Variants in TOP3A observed in about 807,000 individuals in gnomAD.
The protein encoded by TOP3A is DNA topoisomerase III alpha.
Under a neutral mutation model 111.3 loss-of-function variants are expected in TOP3A, and 64 were observed. The ratio of observed to expected loss-of-function variants is 0.57; its 90% CI spans 0.47 to 0.71. The LOEUF (loss-of-function observed/expected upper bound fraction) is 0.71, where lower values mean the gene tolerates loss of function less well. Ranked by LOEUF, TOP3A falls within the 30% of genes least tolerant of loss-of-function variation. The probability of loss-of-function intolerance (pLI) is 0.00; values close to 1 mark genes in which losing one functional copy is unlikely to be tolerated. For synonymous variants in TOP3A, 484 were observed against 485.1 expected, an observed-to-expected ratio of 1.00 and a Z score of 0.03; for missense variants, 1,104 against 1,285.0, an observed-to-expected ratio of 0.86 and a Z score of 2.15.
rs34001746 is a variant in TOP3A, at chr17:18,285,268, A to C, written c.1751T>G (p.Leu584Arg). The C allele has an allele frequency of 5.4e-3, 8,662 of 1,614,174 alleles. 36 individuals carry two copies. The highest frequency in any genetic ancestry group is 6.6e-3 in the Non-Finnish European group (7,802 of 1,180,032). Reference protein sequence around the residue: ...SMGYEMSKPDLRAELEADLKL... With the variant: ...SMGYEMSKPDRRAELEADLKL... ...CAGATCAGCTTCCAGTTCAGCCCGG[A>C]GGTCAGGCTTAGACATTTCATAGCC... is the stretch of plus-strand genomic sequence containing the variant. Residue 584 changes from leucine (L) to arginine (R), a missense_variant, in exon 15 of 19, where the codon CTC becomes CGC. Coordinates refer to ENST00000321105, the MANE Select transcript of TOP3A (RefSeq NM_004618.5).
At chr17:18,280,708 C>A in intron 16 of TOP3A, 50 bp from the exon 17 acceptor site, 1 of 1,598,146 alleles carries the variant, frequency 6.3e-7, no homozygotes, top group Non-Finnish European at 8.6e-7. Context: ...AGATGCTCTC[C>A]GCTGTTGGCC....
At position 18,290,581 on chromosome 17, in the gene TOP3A, C is replaced by G; in HGVS notation, c.1573G>C (p.Ala525Pro). ...PKLLTEADLIALMEKHGIGTD... is the reference protein window; with the variant it reads ...PKLLTEADLIPLMEKHGIGTD... ...CCAATGCCATGCTTCTCCATGAGGG[C>G]AATGAGGTCGGCCTCGGTGAGCAGC... The change falls in exon 13 of 19, where the codon GCC (alanine) becomes CCC (proline). Residue 525 changes from alanine to proline, a missense_variant. Transcript: ENST00000321105. 1 of 1,603,504 alleles carries G rather than the reference C, an allele frequency of 6.2e-7. No homozygotes were observed. Among genetic ancestry groups the G allele is most frequent in the Non-Finnish European group, 8.5e-7 (1 of 1,174,062 alleles).
At chr17:18,288,153 T>TATATATATATATATATATATAA (rs1567739499) in intron 13 of TOP3A, among the ~76,000 whole-genome samples, 1 of 79,838 alleles carries the variant, frequency 1.3e-5, no homozygotes, top group African/African-American at 5.1e-5. Flanking sequence ...ATATATAAAT[T>TATATATATATATATATATATAA]TTTTTTTTTT....
intron 8 of TOP3A, among the ~76,000 whole-genome samples, chr17:18,301,306 G>C (rs1981212370): frequency 6.6e-6 from 1 of 152,132 alleles, no homozygotes; most frequent in Non-Finnish European, 1.5e-5. Context: ...TATGACCCGG[G>C]CCAGTCTTGC....
chr17:18,307,358 G>A (rs1484326482), intron 3 of TOP3A: 2 of 159,464 alleles, frequency 1.3e-5, no homozygotes, highest in Non-Finnish European at 2.8e-5. Flanking sequence ...CAGCACGTTG[G>A]GAGGCCAAGG....
intron 4 of TOP3A, among the ~76,000 whole-genome samples, chr17:18,305,494 G>GCGCGCA (rs1210755503): frequency 6.8e-5 from 8 of 117,612 alleles, no homozygotes; most frequent in African/African-American, 3.0e-4. Context: ...ACACGCGCGC[G>GCGCGCA]CGCGCGCGCG....
At chr17:18,300,817 A>G (rs889565007) in intron 8 of TOP3A, among the ~76,000 whole-genome samples, 2 of 152,162 alleles carry the variant, frequency 1.3e-5, no homozygotes, top group Admixed American at 6.6e-5. Context: ...AGAGACTCCC[A>G]GTGGTCCAGG....
intron 1 of TOP3A, among the ~76,000 whole-genome samples, chr17:18,309,804 G>C (rs868291662): frequency 2.0e-5 from 3 of 147,550 alleles, no homozygotes; most frequent in African/African-American, 7.6e-5. Flanking sequence ...CCACCTCCCG[G>C]GTTCACACCA....
chr17:18,301,454 C>T (rs1228999582), intron 8 of TOP3A, among the ~76,000 whole-genome samples: 4 of 152,092 alleles, frequency 2.6e-5, no homozygotes, highest in Non-Finnish European at 5.9e-5. Context: ...TTATTTTCTT[C>T]CTAGCTTTTA....
At chr17:18,302,227 A>C (rs375241380) in intron 7 of TOP3A, 37 bp downstream of exon 7, 7 of 1,569,310 alleles carry the variant, frequency 4.5e-6, no homozygotes, top group Admixed American at 2.0e-5. Context: ...CCTTGAGCCC[A>C]TAGGTCCCAG....
chr17:18,296,286 T>C (rs552983063), intron 9 of TOP3A, among the ~76,000 whole-genome samples: 3 of 152,100 alleles, frequency 2.0e-5, no homozygotes, highest in East Asian at 3.9e-4. Context: ...ATGCCTACTA[T>C]ATAAAATCAA....
chr17:18,275,097 T>C (rs565659822), intron 18 of TOP3A, 117 bp from the exon 19 acceptor site: 18 of 1,422,054 alleles, frequency 1.3e-5, no homozygotes, highest in Admixed American at 7.3e-5. Flanking sequence ...GGGAGGAGGA[T>C]TGCTTGAGCC....
At chr17:18,292,988 C>T (rs1882297242) in intron 10 of TOP3A, 136 bp from the exon 11 acceptor site, 1 of 819,746 alleles carries the variant, frequency 1.2e-6, no homozygotes, top group African/African-American at 1.7e-5. Flanking sequence ...CCTACATTAC[C>T]TGCTTCAGAA....
At chr17:18,281,360 C>A (rs566031660) in intron 16 of TOP3A, among the ~76,000 whole-genome samples, 1 of 152,226 alleles carries the variant, frequency 6.6e-6, no homozygotes, top group African/African-American at 2.4e-5. Flanking sequence ...GCAAATCCCA[C>A]AAGATAATCT....
At chr17:18,312,833 C>T (rs545355240) in intron 1 of TOP3A, 6 of 168,146 alleles carry the variant, frequency 3.6e-5, no homozygotes, top group Admixed American at 2.8e-4. Context: ...ACATGGAGTT[C>T]GAGCTGGGCA....
chr17:18,305,475 A>AACACACAC (rs1555572046), intron 4 of TOP3A, among the ~76,000 whole-genome samples: 2 of 146,672 alleles, frequency 1.4e-5, no homozygotes, highest in Admixed American at 1.4e-4. Context: ...ATTCAGCTCT[A>AACACACAC]ACACACACAC....
Position 18,308,895 on chromosome 17 carries a change from T to C in TOP3A, c.227A>G (p.His76Arg). ...KFNKIYEFDY[H>R]LYGQNVTMVM... ...TTTAGCACCTACCTGGCCATACAGA[T>C]GATAATCAAATTCATAGATCTTGTT... Residue 76 changes from histidine to arginine, a missense_variant, in exon 2 of 19, where the codon CAT becomes CGT. Coordinates refer to ENST00000321105, the MANE Select transcript of TOP3A (RefSeq NM_004618.5). 1 of 1,569,968 alleles carries C rather than the reference T, an allele frequency of 6.4e-7. No individual in the cohort carries two copies. The highest frequency in any genetic ancestry group is 1.2e-5 in the South Asian group (1 of 83,394).
intron 18 of TOP3A, among the ~76,000 whole-genome samples, chr17:18,275,791 G>A (rs981506931): frequency 6.6e-6 from 1 of 151,324 alleles, no homozygotes; most frequent in Non-Finnish European, 1.5e-5. Flanking sequence ...GAGTAGCTGG[G>A]ACTACAGGGA....
chr17:18,305,088 G>C (rs1454953732), intron 5 of TOP3A, 24 bp downstream of exon 5: 1 of 1,591,256 alleles, frequency 6.3e-7, no homozygotes, highest in East Asian at 2.2e-5. Flanking sequence ...AGTAGAGAAA[G>C]TCAGCAGCAG....
Sources: allele counts gnomAD v4.1 joint callset (sites outside exome capture counted in the v4.1 genomes callset), GRCh38; gene constraint gnomAD v4.1.1; transcripts MANE v1.5; gene names NCBI Gene and HGNC (gene_info 2026-07-23, HGNC 2026-07-21).